Variants in PXDN observed in about 807,000 individuals in gnomAD.
The protein encoded by PXDN is peroxidasin.
Under a neutral mutation model 140.3 loss-of-function variants are expected in PXDN, and 77 were observed. The ratio of observed to expected loss-of-function variants is 0.55; its 90% CI spans 0.46 to 0.66. The LOEUF (loss-of-function observed/expected upper bound fraction) is 0.66, where lower values mean the gene tolerates loss of function less well. Among genes scored for constraint, PXDN ranks in the 30% least tolerant of loss-of-function variants. PXDN has a pLI of 0.00. For synonymous variants in PXDN, 911 were observed against 857.4 expected, an observed-to-expected ratio of 1.06 and a Z score of -1.09; for missense variants, 1,838 against 2,039.5, an observed-to-expected ratio of 0.90 and a Z score of 1.90.
intron 10 of PXDN, among the ~76,000 whole-genome samples, chr2:1,665,620 A>G (rs1210249913): frequency 2.0e-5 from 3 of 152,272 alleles, no homozygotes; most frequent in African/African-American, 4.8e-5. Context: ...CCAGTGAGAC[A>G]GGAAAGGGCT....
intron 10 of PXDN, 48 bp from the exon 11 acceptor site, chr2:1,665,122 G>T: frequency 7.2e-7 from 1 of 1,383,372 alleles, no homozygotes. Flanking sequence ...AAACAGCCTG[G>T]GGTAAAAACG....
chr2:1,708,038 G>A (rs993306478), intron 1 of PXDN, among the ~76,000 whole-genome samples: 4 of 152,220 alleles, frequency 2.6e-5, no homozygotes, highest in African/African-American at 7.2e-5. Flanking sequence ...AACAAGGGGG[G>A]CACGCCCAGG....
chr2:1,660,761 G>GTGC lies in PXDN; in HGVS notation c.1837+117_1837+119dup. On this transcript the variant is annotated intron_variant, in intron 14 of 22. Transcript: ENST00000252804. This position sits in a 1 kb window ranked among gnomAD's most constrained non-coding sequence, Gnocchi z 4.6. ...GAGTGTCCCCACCTGGGAATCAAGGGTGCTTTGTCTTCTGAATAATTCTGA... is the reference window on the plus strand; with the variant it reads ...GAGTGTCCCCACCTGGGAATCAAGGGTGCTGCTTTGTCTTCTGAATAATTCTGA... 1 of 1,300,762 alleles carries GTGC rather than the reference G, an allele frequency of 7.7e-7. No homozygotes were observed. The highest frequency in any genetic ancestry group is 1.0e-6 in the Non-Finnish European group (1 of 966,284). 80.6% of individuals were successfully genotyped at this position (1,300,762 alleles called of 1,614,324 possible). A position where few individuals can be genotyped will look rare whatever the true frequency, so the allele number is the denominator to read the frequency against.
In PXDN at chr2:1,648,492, G is replaced by T; in HGVS notation, c.3288C>A (p.Leu1096=). 3 of 1,612,060 alleles carry T rather than the reference G, an allele frequency of 1.9e-6. No individual in the cohort carries two copies. The highest frequency in any genetic ancestry group is 4.5e-5 in the East Asian group (2 of 44,876). Residue 1096 remains leucine (L), a synonymous_variant, in exon 17 of 23, where the codon CTC becomes CTA. Transcript: ENST00000252804. The surrounding 1 kb of genome is among the most constrained non-coding windows in gnomAD (Gnocchi z 8.9). ...ENFQPIAQDH[L]PLHKAFFSPF... Reference sequence around the variant, plus strand: ...GAGAGAAGAAAGCTTTGTGAAGGGGGAGGTGATCTTGTGCAATGGGCTGGA... The same window carrying T: ...GAGAGAAGAAAGCTTTGTGAAGGGGTAGGTGATCTTGTGCAATGGGCTGGA...
intron 7 of PXDN, among the ~76,000 whole-genome samples, chr2:1,678,606 AC>A (rs1558504611): frequency 6.6e-6 from 1 of 152,220 alleles, no homozygotes; most frequent in Non-Finnish European, 1.5e-5. Context: ...TGGAATGAAC[AC>A]CCATAGGAGC....
intron 3 of PXDN, among the ~76,000 whole-genome samples, chr2:1,688,135 G>T (rs182413764): frequency 4.6e-5 from 7 of 152,116 alleles, no homozygotes; most frequent in Non-Finnish European, 7.3e-5. Flanking sequence ...TATGAAGACC[G>T]AATGCACCTT....
intron 7 of PXDN, among the ~76,000 whole-genome samples, chr2:1,679,032 A>G (rs1385258312): frequency 1.3e-5 from 2 of 152,106 alleles, no homozygotes; most frequent in Non-Finnish European, 2.9e-5. Context: ...TTACAAAACC[A>G]TCACACAGGG....
At chr2:1,708,460 G>A (rs911285849) in intron 1 of PXDN, among the ~76,000 whole-genome samples, 5 of 152,148 alleles carry the variant, frequency 3.3e-5, no homozygotes, top group African/African-American at 7.2e-5. Flanking sequence ...GCCCTTCGCA[G>A]GAAGCCTCTT....
Position 1,687,394 on chromosome 2 carries a change from G to A in PXDN, c.416+238C>T, listed in dbSNP as rs533514745. ...GCATGGCCCAGGGCCTGGTGCCGCC[G>A]TAAGGAAACCAGGGATACGTCCTGA... On this transcript the variant is annotated intron_variant, in intron 4 of 22. Transcript: ENST00000252804. The surrounding 1 kb of genome is among the most constrained non-coding windows in gnomAD (Gnocchi z 4.0). Among the ~76,000 whole-genome samples the A allele has an allele frequency of 2.8e-4, 42 of 152,142 alleles. No homozygotes were observed. Among genetic ancestry groups the A allele is most frequent in the Non-Finnish European group, 5.3e-4 (36 of 68,026 alleles).
At chr2:1,691,012 G>A (rs906638452) in intron 3 of PXDN, among the ~76,000 whole-genome samples, 7 of 152,078 alleles carry the variant, frequency 4.6e-5, no homozygotes, top group East Asian at 1.9e-4. Context: ...CCTAGATGAC[G>A]GGTTGATGGG....
intron 1 of PXDN, among the ~76,000 whole-genome samples, chr2:1,719,573 C>T (rs1303728181): frequency 6.6e-6 from 1 of 152,220 alleles, no homozygotes; most frequent in Non-Finnish European, 1.5e-5. Flanking sequence ...ATTCTCACCA[C>T]AGTCCTCCAG....
intron 21 of PXDN, chr2:1,635,744 TAA>T: frequency 3.7e-6 from 2 of 538,554 alleles, no homozygotes; most frequent in Admixed American, 6.0e-5. Context: ...TGCTGTCAAA[TAA>T]AAACCGTAGT....
At chr2:1,739,708 T>C (rs1165693025) in intron 1 of PXDN, among the ~76,000 whole-genome samples, 1 of 152,108 alleles carries the variant, frequency 6.6e-6, no homozygotes, top group Admixed American at 6.5e-5. Flanking sequence ...TAAGCTTATT[T>C]TGAACACTGA....
Position 1,639,059 on chromosome 2 carries a change from TGCACCGCCCC to T in PXDN, c.4074-91_4074-82del. On this transcript the variant is annotated intron_variant, in intron 20 of 22. Coordinates refer to ENST00000252804, the MANE Select transcript of PXDN (RefSeq NM_012293.3). This position sits in a 1 kb window ranked among gnomAD's most constrained non-coding sequence, Gnocchi z 5.0. Reference sequence around the variant, plus strand: ...GTCTCATTTCAAGGTTTCCTGGGTGTGCACCGCCCCTGATGCTCTGAGCTGGGTCTCATTT... The same window carrying T: ...GTCTCATTTCAAGGTTTCCTGGGTGTTGATGCTCTGAGCTGGGTCTCATTT... 2 of 338,012 alleles carry T rather than the reference TGCACCGCCCC, an allele frequency of 5.9e-6. No individual in the cohort carries two copies. The highest frequency in any genetic ancestry group is 4.9e-5 in the African/African-American group (1 of 20,216). The allele number at this position is 338,012 out of a possible 1,614,324, so 20.9% of individuals were successfully genotyped here.
chr2:1,664,994 C>T lies in PXDN; in HGVS notation c.1372G>A (p.Gly458Ser). ...QTVDFQCEAK[G>S]NPPPVIAWTK... ...CAGGCGATGACGGGCGGCGGGTTGC[C>T]CTTGGCTTCACACTGGAAATCCACG... The change falls in exon 11 of 23, where the codon GGC becomes AGC. Residue 458 changes from glycine to serine, a missense_variant. Physicochemically the swap from Gly to Ser is moderately conservative, Grantham distance 56 (BLOSUM62 0). Transcript: ENST00000252804. 1 of 1,612,872 alleles carries T rather than the reference C, an allele frequency of 6.2e-7. No homozygotes were observed. The highest frequency in any genetic ancestry group is 1.1e-5 in the South Asian group (1 of 90,628).
At chr2:1,658,037 T>TCC in intron 14 of PXDN, among the ~76,000 whole-genome samples, 1 of 20,712 alleles carries the variant, frequency 4.8e-5, no homozygotes. Context: ...GCTCTCTCTC[T>TCC]CTCTCTCTCT....
chr2:1,714,167 A>T lies in PXDN; in HGVS notation c.201-21033T>A, dbSNP rs1263145426. Among the ~76,000 whole-genome samples the T allele has an allele frequency of 6.6e-6, 1 of 152,134 alleles. No individual in the cohort carries two copies. Among genetic ancestry groups the T allele is most frequent in the Non-Finnish European group, 1.5e-5 (1 of 68,018 alleles). On this transcript the variant is annotated intron_variant, in intron 1 of 22. Coordinates refer to ENST00000252804, the MANE Select transcript of PXDN (RefSeq NM_012293.3). This position sits in a 1 kb window ranked among gnomAD's most constrained non-coding sequence, Gnocchi z 4.3. ...CCACATCCAGGATACTGTTTTTTTC[A>T]ACTACCTCATTTATTGCTCTTACAT... is the stretch of plus-strand genomic sequence containing the variant.
chr2:1,719,074 G>T (rs1048202528), intron 1 of PXDN, among the ~76,000 whole-genome samples: 7 of 152,250 alleles, frequency 4.6e-5, no homozygotes, highest in African/African-American at 7.2e-5. Context: ...AGGGGCCAGG[G>T]GCTGGCTGCA....
chr2:1,692,297 G>T (rs990558623), intron 2 of PXDN, among the ~76,000 whole-genome samples: 5 of 152,196 alleles, frequency 3.3e-5, no homozygotes, highest in African/African-American at 9.7e-5. Context: ...TTATCCTGCT[G>T]TCTCTTAGAT....
Sources: gnomAD v4.1 joint callset for allele counts (sites outside exome capture counted in the v4.1 genomes callset) on GRCh38, gnomAD v4.1.1 for gene constraint, Gnocchi (gnomAD v3.1) non-coding constraint, MANE v1.5 for transcripts, NCBI Gene and HGNC (gene_info 2026-07-23, HGNC 2026-07-21) for gene names.